EDIL3: variants seen among roughly 807,000 people sequenced by gnomAD.
The protein encoded by EDIL3 is EGF like and discoidin domains 3.
EDIL3 carries 37 observed loss-of-function variants against 67.4 expected under a neutral mutation model. The observed-to-expected ratio is 0.55, with a 90% CI of 0.42 to 0.72. The LOEUF (loss-of-function observed/expected upper bound fraction) is 0.72, where lower values mean the gene tolerates loss of function less well. Among genes scored for constraint, EDIL3 ranks in the 30% least tolerant of loss-of-function variants. The pLI is 0.00. For missense variants in EDIL3, 527 were observed against 586.3 expected (o/e 0.90, Z 1.04); for synonymous variants, 195 against 196.3 (o/e 0.99, Z 0.05).
intron 1 of EDIL3, among the ~76,000 whole-genome samples, chr5:84,327,648 T>G (rs920359657): frequency 2.0e-5 from 3 of 152,004 alleles, no homozygotes; most frequent in Admixed American, 6.6e-5. Flanking sequence ...GTATTTTATT[T>G]TTTTCCCCAC....
chr5:84,328,826 G>T (rs2112163362), intron 1 of EDIL3, among the ~76,000 whole-genome samples: 1 of 152,194 alleles, frequency 6.6e-6, no homozygotes, highest in East Asian at 1.9e-4. Flanking sequence ...ATTGGGAAAA[G>T]AAGTAGCAGA....
chr5:83,962,190 T>C (rs1370024107), intron 10 of EDIL3, among the ~76,000 whole-genome samples: 1 of 151,502 alleles, frequency 6.6e-6, no homozygotes, highest in Non-Finnish European at 1.5e-5. Flanking sequence ...TCAACCCCTC[T>C]GTCAGTTAAT....
At chr5:83,977,288 T>C (rs542414789) in intron 9 of EDIL3, among the ~76,000 whole-genome samples, 2 of 151,978 alleles carry the variant, frequency 1.3e-5, no homozygotes, top group African/African-American at 4.8e-5. Flanking sequence ...TTTTATGCAT[T>C]TCTGAAATAA....
rs372438051 is a variant in EDIL3, at chr5:84,187,793, G to A, written c.227-7272C>T. Among the ~76,000 whole-genome samples the A allele has an allele frequency of 1.4e-4, 22 of 151,910 alleles. No individual in the cohort carries two copies. The South Asian group carries it at 4.6e-3, about 32-fold the overall frequency. ...TTCTGGGAACGCTCACATGATTGAC[G>A]TTTGCAAGCTATTTTTTAAACACTA... On this transcript the variant is annotated intron_variant, in intron 3 of 10. Coordinates refer to ENST00000296591, the MANE Select transcript of EDIL3 (RefSeq NM_005711.5).
chr5:83,953,835 G>A (rs1369947476), intron 10 of EDIL3, among the ~76,000 whole-genome samples: 1 of 151,676 alleles, frequency 6.6e-6, no homozygotes, highest in African/African-American at 2.4e-5. Context: ...GTCCCCACAC[G>A]GCTTATTACA....
intron 3 of EDIL3, among the ~76,000 whole-genome samples, chr5:84,182,483 C>A (rs1420077280): frequency 7.9e-5 from 12 of 151,116 alleles, no homozygotes; most frequent in Non-Finnish European, 1.3e-4. Context: ...AAAAAACAAA[C>A]AAACAAACTT....
chr5:84,000,535 C>T (rs148854667), intron 9 of EDIL3, among the ~76,000 whole-genome samples: 8 of 151,796 alleles, frequency 5.3e-5, no homozygotes, highest in East Asian at 1.9e-4. Context: ...TACTTGCAAG[C>T]TGCTTGGTAA....
At chr5:84,042,655 T>G (rs1224932031) in intron 9 of EDIL3, among the ~76,000 whole-genome samples, 2 of 152,166 alleles carry the variant, frequency 1.3e-5, no homozygotes, top group Non-Finnish European at 2.9e-5. Context: ...CCTTTAAATT[T>G]TTTTTATTTA....
intron 1 of EDIL3, among the ~76,000 whole-genome samples, chr5:84,364,069 T>C (rs1561269337): frequency 2.6e-5 from 4 of 152,252 alleles, no homozygotes; most frequent in East Asian, 1.9e-4. Flanking sequence ...GGGAAGATTA[T>C]AGAAGAAGTG....
chr5:84,044,304 C>T (rs545876469), intron 9 of EDIL3, among the ~76,000 whole-genome samples: 1 of 152,078 alleles, frequency 6.6e-6, no homozygotes, highest in Admixed American at 6.6e-5. Flanking sequence ...TCTTAAGAGT[C>T]TTTACTATGT....
chr5:84,103,321 T>C (rs1747401171), intron 6 of EDIL3, among the ~76,000 whole-genome samples: 1 of 152,030 alleles, frequency 6.6e-6, no homozygotes, highest in South Asian at 2.1e-4. Context: ...AAATATTTCA[T>C]GACAAAGAGA....
Position 84,253,132 on chromosome 5 carries a change from G to A in EDIL3, c.196+952C>T, listed in dbSNP as rs114876317. On this transcript the variant is annotated intron_variant, in intron 2 of 10. Coordinates refer to ENST00000296591, the MANE Select transcript of EDIL3 (RefSeq NM_005711.5). ...ACTATGCATAAGGTAATTAAGTTAG[G>A]TGCACTGGGTACAATGATGGGTAAT... Among the ~76,000 whole-genome samples, 999 of 152,106 alleles carry A rather than the reference G, an allele frequency of 6.6e-3. 15 individuals carry two copies. The highest frequency in any genetic ancestry group is 0.023 in the African/African-American group (952 of 41,510).
Position 83,969,835 on chromosome 5 carries a change from T to A in EDIL3, c.1138-6475A>T, listed in dbSNP as rs535300519. Among the ~76,000 whole-genome samples the A allele has an allele frequency of 8.6e-5, 13 of 152,044 alleles. No homozygotes were observed. In the East Asian group the frequency reaches 2.3e-3, roughly 27 times the overall value. ...CTAGTGATGTTTCCATACTGCAATGTCTAATGATCAGATCAGGGTAATTAT... is the reference window on the plus strand; with the variant it reads ...CTAGTGATGTTTCCATACTGCAATGACTAATGATCAGATCAGGGTAATTAT... On this transcript the variant is annotated intron_variant, in intron 9 of 10. Coordinates refer to ENST00000296591, the MANE Select transcript of EDIL3 (RefSeq NM_005711.5).
chr5:84,133,643 T>G (rs983696557), intron 5 of EDIL3, among the ~76,000 whole-genome samples: 3 of 151,318 alleles, frequency 2.0e-5, no homozygotes, highest in African/African-American at 7.3e-5. Flanking sequence ...AAGAAATAAA[T>G]AAATAAAATG....
chr5:84,284,720 G>A (rs1341203761), intron 1 of EDIL3, among the ~76,000 whole-genome samples: 2 of 152,076 alleles, frequency 1.3e-5, no homozygotes, highest in East Asian at 3.9e-4. Context: ...ATAATTAAAA[G>A]TGATGCAGTA....
At chr5:84,243,476 T>C (rs533940128) in intron 2 of EDIL3, among the ~76,000 whole-genome samples, 106 of 152,348 alleles carry the variant, frequency 7.0e-4, no homozygotes, top group African/African-American at 2.4e-3. Context: ...TTGAAAATGT[T>C]TGTAGCTCCT....
chr5:84,009,563 T>G (rs1398989111), intron 9 of EDIL3, among the ~76,000 whole-genome samples: 1 of 152,212 alleles, frequency 6.6e-6, no homozygotes, highest in Non-Finnish European at 1.5e-5. Context: ...GTCAGGCAAT[T>G]AAACAAAATT....
At chr5:84,009,947 A>G (rs183730633) in intron 9 of EDIL3, among the ~76,000 whole-genome samples, 2 of 152,336 alleles carry the variant, frequency 1.3e-5, no homozygotes, top group African/African-American at 2.4e-5. Flanking sequence ...AAAGTTCTTT[A>G]TGTTTCATTG....
intron 9 of EDIL3, among the ~76,000 whole-genome samples, chr5:83,997,638 C>T (rs987628103): frequency 5.3e-5 from 8 of 152,038 alleles, no homozygotes; most frequent in South Asian, 2.1e-4. Context: ...GCTATAAATA[C>T]GAAAGTCGTC....
Sources: gnomAD v4.1 joint callset for allele counts (sites outside exome capture counted in the v4.1 genomes callset) on GRCh38, gnomAD v4.1.1 for gene constraint, MANE v1.5 for transcripts, NCBI Gene and HGNC (gene_info 2026-07-23, HGNC 2026-07-21) for gene names.